The following DHX34 variants were observed in gnomAD, a reference collection of about 807,000 sequenced individuals.
The protein encoded by DHX34 is probable ATP-dependent RNA helicase DHX34.
In DHX34, 96 loss-of-function variants were observed where a neutral mutation model predicts 111.1. The observed-to-expected ratio is 0.86, with a 90% CI of 0.73 to 1.02. The LOEUF (loss-of-function observed/expected upper bound fraction) is 1.02, where lower values mean the gene tolerates loss of function less well. Among genes scored for constraint, DHX34 ranks in the 50% least tolerant of loss-of-function variants. The pLI is 0.00. For synonymous variants in DHX34, 688 were observed against 670.4 expected, an observed-to-expected ratio of 1.03 and a Z score of -0.41; for missense variants, 1,560 against 1,579.9, an observed-to-expected ratio of 0.99 and a Z score of 0.21.
chr19:47,375,444 A>C (rs1048733552), intron 9 of DHX34, 22 bp from the exon 10 acceptor site: 1 of 1,564,332 alleles, frequency 6.4e-7, no homozygotes. Flanking sequence ...TGAGGCCCTC[A>C]CCCCTACCCA....
At chr19:47,379,219 C>T (rs1349557411) in intron 13 of DHX34, among the ~76,000 whole-genome samples, 1 of 152,038 alleles carries the variant, frequency 6.6e-6, no homozygotes, top group African/African-American at 2.4e-5. Flanking sequence ...GTATATGGAG[C>T]CCTCCTGTAC....
chr19:47,368,199 C>G (rs1807547760), intron 7 of DHX34, among the ~76,000 whole-genome samples: 2 of 148,232 alleles, frequency 1.3e-5, no homozygotes, highest in South Asian at 4.3e-4. Context: ...CACATGCCTG[C>G]TGCTACAGGA....
Position 47,359,974 on chromosome 19 carries a change from G to C in DHX34, c.1279G>C (p.Asp427His). ...LSVADQDKVF[D>H]VAPPGVRKCI... is the part of the protein sequence containing the mutation. ...CCCCCTCCCTTCCTCCCAGGTATTT[G>C]ATGTGGCACCCCCTGGAGTCCGGAA... Residue 427 changes from aspartate to histidine, a missense_variant, in exon 5 of 17, where the codon GAT becomes CAT. Physicochemically the swap from Asp to His is moderately conservative, Grantham distance 81 (BLOSUM62 -1). Transcript: ENST00000328771. 6.2e-7 allele frequency: 1 copy of C among 1,614,072 alleles called. No homozygotes were observed. The highest frequency in any genetic ancestry group is 8.5e-7 in the Non-Finnish European group (1 of 1,179,978).
intron 7 of DHX34, among the ~76,000 whole-genome samples, chr19:47,372,408 G>A (rs547344883): frequency 4.6e-5 from 7 of 152,234 alleles, no homozygotes; most frequent in Admixed American, 1.3e-4. Flanking sequence ...AGCGCTGGGG[G>A]AGTGGGTTGT....
chr19:47,376,925 G>T, intron 12 of DHX34, 175 bp from the exon 13 acceptor site: 6 of 1,536,598 alleles, frequency 3.9e-6, no homozygotes, highest in Middle Eastern at 1.7e-4. Flanking sequence ...GCATGGCTGC[G>T]TGCTGGGAGT....
At chr19:47,366,248 A>G (rs1599763116) in intron 6 of DHX34, among the ~76,000 whole-genome samples, 1 of 152,304 alleles carries the variant, frequency 6.6e-6, no homozygotes, top group Admixed American at 6.5e-5. Context: ...GCCTCTGCAC[A>G]GTGGATCTTG....
At position 47,367,023 on chromosome 19, in the gene DHX34, A is replaced by G. The variant is rs759709249; in HGVS notation, c.1636A>G (p.Ile546Val). The change falls in exon 7 of 17, where the codon ATC becomes GTC. Residue 546 changes from isoleucine (I) to valine (V), a missense_variant. Ile to Val is a conservative substitution (Grantham distance 29). Transcript: ENST00000328771. ...SVGDPRTFPFIEPPPPASLET... is the reference protein window; with the variant it reads ...SVGDPRTFPFVEPPPPASLET... ...GGGGGACCCCCGAACCTTCCCCTTCATCGAGCCCCCACCACCAGCCAGCCT... is the reference window on the plus strand; with the variant it reads ...GGGGGACCCCCGAACCTTCCCCTTCGTCGAGCCCCCACCACCAGCCAGCCT... 2.5e-6 allele frequency: 4 copies of G among 1,586,512 alleles called. No individual in the cohort carries two copies. In the South Asian group the frequency reaches 3.4e-5, roughly 14 times the overall value.
chr19:47,374,429 C>T (rs1970068937), intron 9 of DHX34, among the ~76,000 whole-genome samples: 1 of 132,284 alleles, frequency 7.6e-6, no homozygotes, highest in South Asian at 2.5e-4. Flanking sequence ...AAGAGCGAAA[C>T]TCCACTCAAA....
Position 47,358,030 on chromosome 19 carries a change from G to A in DHX34, c.1182G>A (p.Val394=). ...FLSGMAEISA[V]LEAAQTYASH... is the part of the protein sequence containing the mutation. ...GCGGCATGGCGGAGATCAGCGCCGT[G>A]CTGGAGGCTGCCCAGACCTATGCCA... is the stretch of plus-strand genomic sequence containing the variant. The change falls in exon 4 of 17, where the codon GTG becomes GTA. Residue 394 remains valine, a synonymous_variant. Coordinates refer to ENST00000328771, the MANE Select transcript of DHX34 (RefSeq NM_014681.6). 1 of 1,613,412 alleles carries A rather than the reference G, an allele frequency of 6.2e-7. No individual in the cohort carries two copies. Among genetic ancestry groups the A allele is most frequent in the Non-Finnish European group, 8.5e-7 (1 of 1,180,038 alleles).
In DHX34 at chr19:47,375,633, G is replaced by A. The variant is rs762464792; in HGVS notation, c.2232G>A (p.Glu744=). 4 of 1,552,382 alleles carry A rather than the reference G, an allele frequency of 2.6e-6. No individual in the cohort carries two copies. The highest frequency in any genetic ancestry group is 1.7e-6 in the Non-Finnish European group (2 of 1,151,634). ...GCAAGGTGCTGCGGCTGCAGGAGGAGCAGGACGGCGGCTCCAGTGACGAGG... is the reference window on the plus strand; with the variant it reads ...GCAAGGTGCTGCGGCTGCAGGAGGAACAGGACGGCGGCTCCAGTGACGAGG... ...RRRKVLRLQE[E]QDGGSSDEDR... Residue 744 remains glutamate (E), a synonymous_variant, in exon 10 of 17, where the codon GAG becomes GAA. Transcript: ENST00000328771.
In DHX34 at chr19:47,377,163, A is replaced by T; in HGVS notation, c.2663A>T (p.Asn888Ile). The change falls in exon 13 of 17, where the codon AAC (asparagine) becomes ATC (isoleucine). Residue 888 changes from asparagine (N) to isoleucine (I), a missense_variant. Coordinates refer to ENST00000328771, the MANE Select transcript of DHX34 (RefSeq NM_014681.6). Reference protein sequence around the residue: ...LLSFVSLLETNKPYLVNCVRI... With the variant: ...LLSFVSLLETIKPYLVNCVRI... Reference sequence around the variant, plus strand: ...AGCTTCGTGTCCCTGCTGGAGACCAACAAGCCGTACCTGGTGAACTGCGTC... The same window carrying T: ...AGCTTCGTGTCCCTGCTGGAGACCATCAAGCCGTACCTGGTGAACTGCGTC... The T allele has an allele frequency of 1.2e-6, 2 of 1,613,878 alleles. No homozygotes were observed. Among genetic ancestry groups the T allele is most frequent in the Non-Finnish European group, 1.7e-6 (2 of 1,179,966 alleles).
At position 47,375,608 on chromosome 19, in the gene DHX34, G is replaced by A. The variant is rs1316446900; in HGVS notation, c.2207G>A (p.Arg736His). ...RQHEEGAGRRRKVLRLQEEQD... is the reference protein window; with the variant it reads ...RQHEEGAGRRHKVLRLQEEQD... Reference sequence around the variant, plus strand: ...CACGAGGAGGGCGCGGGGCGCAGGCGCAAGGTGCTGCGGCTGCAGGAGGAG... The same window carrying A: ...CACGAGGAGGGCGCGGGGCGCAGGCACAAGGTGCTGCGGCTGCAGGAGGAG... Residue 736 changes from arginine to histidine, a missense_variant, in exon 10 of 17, where the codon CGC becomes CAC. Arg to His is a conservative substitution (Grantham distance 29). Coordinates refer to ENST00000328771, the MANE Select transcript of DHX34 (RefSeq NM_014681.6). 6 of 1,548,140 alleles carry A rather than the reference G, an allele frequency of 3.9e-6. No individual in the cohort carries two copies. Among genetic ancestry groups the A allele is most frequent in the Middle Eastern group, 1.7e-4 (1 of 5,862 alleles).
rs536518840 is a variant in DHX34 at position 47,364,737 on chromosome 19, CA to C, written c.1593+2045del. 2.6e-5 allele frequency among the ~76,000 whole-genome samples: 4 copies of C among 152,180 alleles called. No homozygotes were observed. In the South Asian group the frequency reaches 8.3e-4, roughly 32 times the overall value. On this transcript the variant is annotated intron_variant, in intron 6 of 16. Transcript: ENST00000328771. ...TGAGTGATAGAGCAAGACCCTGTCT[CA>C]TAAAAAAACAAAGTCCATGGGGTAG...
In DHX34 at chr19:47,352,987, G is replaced by A. The variant is rs753241070; in HGVS notation, c.-44G>A. 6.4e-7 allele frequency: 1 copy of A among 1,570,284 alleles called. No individual in the cohort carries two copies. The highest frequency in any genetic ancestry group is 8.7e-7 in the Non-Finnish European group (1 of 1,155,156). On this transcript the variant is annotated 5_prime_UTR_variant, in exon 2 of 17. Coordinates refer to ENST00000328771, the MANE Select transcript of DHX34 (RefSeq NM_014681.6). The stretch of plus-strand genomic sequence containing the variant: ...AGGTGGGGAATGGATGAGAATATTT[G>A]TTTTGGGTGATCAGAACTGAGACTC...
At chr19:47,371,064 G>T (rs969149779) in intron 7 of DHX34, among the ~76,000 whole-genome samples, 2 of 152,226 alleles carry the variant, frequency 1.3e-5, no homozygotes, top group African/African-American at 4.8e-5. Flanking sequence ...GCTGTGTGCC[G>T]GCGAAAGGCT....
intron 5 of DHX34, among the ~76,000 whole-genome samples, chr19:47,361,064 A>T (rs192095145): frequency 4.0e-4 from 61 of 152,322 alleles, no homozygotes; most frequent in African/African-American, 1.3e-3. Flanking sequence ...GTGTTTGGAG[A>T]CACTGGAGCC....
chr19:47,373,885 G>T (rs1970050098), intron 9 of DHX34, among the ~76,000 whole-genome samples, 185 bp downstream of exon 9: 1 of 152,200 alleles, frequency 6.6e-6, no homozygotes, highest in Non-Finnish European at 1.5e-5. Flanking sequence ...CAGAAATCCA[G>T]GAGGGCTTCC....
rs2245046 is a variant in DHX34, at chr19:47,355,167, G to A, written c.834G>A (p.Val278=). 103,056 of 1,614,018 alleles carry A rather than the reference G, an allele frequency of 0.064. 4,214 individuals are homozygous for A. Among genetic ancestry groups the A allele is most frequent in the African/African-American group, 0.19 (13,909 of 74,952 alleles). ...PSLPQYEVLI[V]DEVHERHLHN... ...TGCCCCAGTATGAGGTCCTGATTGT[G>A]GATGAAGTCCATGAGCGGCATCTCC... is the stretch of plus-strand genomic sequence containing the variant. The change falls in exon 3 of 17, where the codon GTG becomes GTA. Residue 278 remains valine (V), a synonymous_variant. Coordinates refer to ENST00000328771, the MANE Select transcript of DHX34 (RefSeq NM_014681.6).
intron 8 of DHX34, 25 bp downstream of exon 8, chr19:47,372,948 T>C: frequency 7.3e-7 from 1 of 1,377,510 alleles, no homozygotes; most frequent in Non-Finnish European, 9.6e-7. Context: ...GGGGGCCCTC[T>C]GTCTGTCACC....
Sources: gnomAD v4.1 joint callset for allele counts (sites outside exome capture counted in the v4.1 genomes callset) on GRCh38, gnomAD v4.1.1 for gene constraint, MANE v1.5 for transcripts, NCBI Gene and HGNC (gene_info 2026-07-23, HGNC 2026-07-21) for gene names.